JAKMIP1: variants seen among roughly 807,000 people sequenced by gnomAD.
JAKMIP1 encodes the protein janus kinase and microtubule interacting protein 1.
In JAKMIP1, 33 loss-of-function variants were observed where a neutral mutation model predicts 113.0. The ratio of observed to expected loss-of-function variants is 0.29; its 90% CI spans 0.22 to 0.39. The LOEUF (loss-of-function observed/expected upper bound fraction) is 0.39, where lower values mean the gene tolerates loss of function less well. JAKMIP1 is among the 10% of genes least tolerant of loss of function. The probability of loss-of-function intolerance (pLI) is 1.00; values close to 1 mark genes in which losing one functional copy is unlikely to be tolerated. For synonymous variants in JAKMIP1, 480 were observed against 459.9 expected (o/e 1.04, Z -0.56); for missense variants, 813 against 1,080.5 (o/e 0.75, Z 3.47).
chr4:6,149,120 G>A (rs1721242182), intron 1 of JAKMIP1, among the ~76,000 whole-genome samples: 1 of 152,210 alleles, frequency 6.6e-6, no homozygotes, highest in Non-Finnish European at 1.5e-5. Flanking sequence ...TTAGAGAAGG[G>A]CCACTGGGGC....
At chr4:6,035,113 TTCTC>T (rs144090101) in intron 19 of JAKMIP1, among the ~76,000 whole-genome samples, 38 of 151,068 alleles carry the variant, frequency 2.5e-4, no homozygotes, top group African/African-American at 8.5e-4. Flanking sequence ...GTCAACCTCT[TTCTC>T]TCTCTCTCTC....
At chr4:6,126,602 C>G (rs972640454) in intron 1 of JAKMIP1, among the ~76,000 whole-genome samples, 1 of 146,682 alleles carries the variant, frequency 6.8e-6, no homozygotes, top group Non-Finnish European at 1.5e-5. Context: ...CAGAAACACA[C>G]ACACCATGCA....
intron 13 of JAKMIP1, chr4:6,053,667 C>T (rs184940515): frequency 2.5e-5 from 12 of 486,262 alleles, no homozygotes; most frequent in African/African-American, 1.0e-4. Context: ...ACAGTGCTTC[C>T]GTCTGGGTGT....
intron 1 of JAKMIP1, among the ~76,000 whole-genome samples, chr4:6,130,452 C>A (rs1718340097): frequency 6.6e-6 from 1 of 152,200 alleles, no homozygotes; most frequent in African/African-American, 2.4e-5. Context: ...CCACAGGAAC[C>A]AGTTTAGGTC....
chr4:6,155,868 C>CTAGA lies in JAKMIP1; in HGVS notation c.-147-42872_-147-42871insTCTA, dbSNP rs770547770. 1.3e-5 allele frequency among the ~76,000 whole-genome samples: 2 copies of CTAGA among 152,174 alleles called. No homozygotes were observed. Among genetic ancestry groups the CTAGA allele is most frequent in the Non-Finnish European group, 2.9e-5 (2 of 68,038 alleles). Reference sequence around the variant, plus strand: ...TGCCCTAGACCTCATGAATGGCACTCTCTAGAGGTGGGGCCTGGCAATCTT... The same window carrying CTAGA: ...TGCCCTAGACCTCATGAATGGCACTCTAGATCTAGAGGTGGGGCCTGGCAATCTT... On this transcript the variant is annotated intron_variant, in intron 1 of 20. Coordinates refer to ENST00000409021, the MANE Select transcript of JAKMIP1 (RefSeq NM_001099433.2). This position sits in a 1 kb window ranked among gnomAD's most constrained non-coding sequence, Gnocchi z 6.1.
chr4:6,132,100 A>G (rs1718584186), intron 1 of JAKMIP1, among the ~76,000 whole-genome samples: 2 of 152,236 alleles, frequency 1.3e-5, no homozygotes, highest in Admixed American at 1.3e-4. Flanking sequence ...GTTTGTTTGA[A>G]ATAATAACAG....
chr4:6,158,837 T>C lies in JAKMIP1; in HGVS notation c.-148+41416A>G, dbSNP rs4401525. On this transcript the variant is annotated intron_variant, in intron 1 of 20. Transcript: ENST00000409021. This position sits in a 1 kb window ranked among gnomAD's most constrained non-coding sequence, Gnocchi z 5.3. ...GGCGTGGTGACTCACACCTGTAATC[T>C]CATCACTTTGGGAGTTTGAAGCAGG... Among the ~76,000 whole-genome samples the C allele has an allele frequency of 0.93, 140,905 of 152,236 alleles. 65,891 individuals carry two copies. Among genetic ancestry groups the C allele is most frequent in the South Asian group, 1 (4,806 of 4,818 alleles).
chr4:6,120,292 A>G (rs1375683554), intron 1 of JAKMIP1, among the ~76,000 whole-genome samples: 1 of 151,890 alleles, frequency 6.6e-6, no homozygotes, highest in Non-Finnish European at 1.5e-5. Context: ...AATTGATTGT[A>G]CTGACTTAAA....
intron 1 of JAKMIP1, among the ~76,000 whole-genome samples, chr4:6,166,377 C>A (rs576374471): frequency 8.5e-5 from 13 of 152,260 alleles, no homozygotes; most frequent in Middle Eastern, 3.4e-3. Context: ...CGGGAGTGGC[C>A]CAGGCCACTT....
At chr4:6,110,104 T>TG (rs1714671824) in intron 2 of JAKMIP1, among the ~76,000 whole-genome samples, 3 of 152,164 alleles carry the variant, frequency 2.0e-5, no homozygotes, top group African/African-American at 7.2e-5. Flanking sequence ...GCCTCGTGTG[T>TG]GGGGCTAAAC....
intron 1 of JAKMIP1, among the ~76,000 whole-genome samples, chr4:6,132,654 A>AT (rs200149536): frequency 0.32 from 48,492 of 151,128 alleles, 9,863 homozygotes; most frequent in East Asian, 0.56. Flanking sequence ...AAATAAAAAA[A>AT]AAAAAAAAGA....
At chr4:6,160,572 A>C (rs1722782643) in intron 1 of JAKMIP1, among the ~76,000 whole-genome samples, 1 of 151,062 alleles carries the variant, frequency 6.6e-6, no homozygotes, top group African/African-American at 2.4e-5. Flanking sequence ...CTTTTCCCAA[A>C]CCCTCCTTTA....
intron 1 of JAKMIP1, among the ~76,000 whole-genome samples, chr4:6,123,611 G>A (rs141445827): frequency 6.6e-6 from 1 of 152,300 alleles, no homozygotes; most frequent in African/African-American, 2.4e-5. Context: ...GTTGAGCCCA[G>A]GAGTTCAAGA....
chr4:6,062,120 C>A (rs910807747), intron 10 of JAKMIP1, among the ~76,000 whole-genome samples, 192 bp downstream of exon 10: 1 of 152,250 alleles, frequency 6.6e-6, no homozygotes, highest in African/African-American at 2.4e-5. Context: ...TGTTCCAGAG[C>A]GCCTGCCATC....
At position 6,044,902 on chromosome 4, in the gene JAKMIP1, A is replaced by G. The variant is rs1714790402; in HGVS notation, c.2029-2675T>C. 6.6e-6 allele frequency among the ~76,000 whole-genome samples: 1 copy of G among 152,240 alleles called. No homozygotes were observed. Among genetic ancestry groups the G allele is most frequent in the Non-Finnish European group, 1.5e-5 (1 of 68,036 alleles). On this transcript the variant is annotated intron_variant, in intron 16 of 20. Transcript: ENST00000409021. This position sits in a 1 kb window ranked among gnomAD's most constrained non-coding sequence, Gnocchi z 4.4. The stretch of plus-strand genomic sequence containing the variant: ...GTCACTCCTGGGAGAAACAGCGTTC[A>G]TGGTTCTGCTCCAACCCCAGGAGAG...
At position 6,142,097 on chromosome 4, in the gene JAKMIP1, T is replaced by C. The variant is rs763835966; in HGVS notation, c.-147-29100A>G. Among the ~76,000 whole-genome samples, 2 of 151,580 alleles carry C rather than the reference T, an allele frequency of 1.3e-5. No individual in the cohort carries two copies. Among genetic ancestry groups the C allele is most frequent in the Non-Finnish European group, 2.9e-5 (2 of 67,900 alleles). ...AAACTCATGTCTATCAGTCATTTTCTAGCTTGTCTTTTCCTCTTCATATCA... is the reference window on the plus strand; with the variant it reads ...AAACTCATGTCTATCAGTCATTTTCCAGCTTGTCTTTTCCTCTTCATATCA... On this transcript the variant is annotated intron_variant, in intron 1 of 20. Transcript: ENST00000409021. The surrounding 1 kb of genome is among the most constrained non-coding windows in gnomAD (Gnocchi z 5.5).
rs754934724 is a variant in JAKMIP1, at chr4:6,079,012, C to G, written c.1243-14G>C. The stretch of plus-strand genomic sequence containing the variant: ...CCGTTCTCTCTCCTAGAAGGAAACA[C>G]AACGGTTGGCATTTCCAGCCAGCCT... On this transcript the variant is annotated splice_polypyrimidine_tract_variant and intron_variant, in intron 7 of 20. Coordinates refer to ENST00000409021, the MANE Select transcript of JAKMIP1 (RefSeq NM_001099433.2). The G allele has an allele frequency of 2.5e-6, 4 of 1,614,136 alleles. No homozygotes were observed.
At chr4:6,173,122 A>G (rs1001873956) in intron 1 of JAKMIP1, among the ~76,000 whole-genome samples, 3 of 152,186 alleles carry the variant, frequency 2.0e-5, no homozygotes, top group Non-Finnish European at 4.4e-5. Context: ...AAGCACAGGA[A>G]AAAGTTCAGG....
intron 1 of JAKMIP1, among the ~76,000 whole-genome samples, chr4:6,125,938 C>CACACCATGCAGAAACACACA (rs1717465869): frequency 1.8e-5 from 2 of 109,674 alleles, no homozygotes. Flanking sequence ...AACACACACA[C>CACACCATGCAGAAACACACA]ACCATACACA....
Sources: allele counts gnomAD v4.1 joint callset (sites outside exome capture counted in the v4.1 genomes callset), GRCh38; gene constraint gnomAD v4.1.1; non-coding constraint Gnocchi (gnomAD v3.1); transcripts MANE v1.5; gene names NCBI Gene and HGNC (gene_info 2026-07-23, HGNC 2026-07-21).